METTL15: variants seen among roughly 807,000 people sequenced by gnomAD.
METTL15 encodes the protein 12S rRNA N(4)-cytidine methyltransferase METTL15.
Under a neutral mutation model 38.3 loss-of-function variants are expected in METTL15, and 34 were observed. That is an observed-to-expected ratio of 0.89 (90% CI 0.68 to 1.18). METTL15 has a LOEUF of 1.18. Ranked by LOEUF, METTL15 falls within the 50% of genes most tolerant of loss-of-function variation. METTL15 has a pLI of 0.00. For synonymous variants in METTL15, 162 were observed against 170.9 expected (o/e 0.95, Z 0.41); for missense variants, 438 against 498.4 (o/e 0.88, Z 1.15).
chr11:28,350,307 T>G (rs1261543751), intron 3 of METTL15, among the ~76,000 whole-genome samples: 2 of 152,190 alleles, frequency 1.3e-5, no homozygotes, highest in African/African-American at 4.8e-5. Flanking sequence ...TAATTTTAGA[T>G]GTATTTGAAG....
At chr11:28,217,247 C>T (rs919107054) in intron 4 of METTL15, among the ~76,000 whole-genome samples, 100 of 151,516 alleles carry the variant, frequency 6.6e-4, no homozygotes, top group East Asian at 2.7e-3. Flanking sequence ...TTTTAATGAT[C>T]GCCATTCTAA....
chr11:28,220,375 G>T (rs887743637), intron 4 of METTL15, among the ~76,000 whole-genome samples: 16 of 152,128 alleles, frequency 1.1e-4, no homozygotes, highest in Non-Finnish European at 1.8e-4. Context: ...CAGAGACTTG[G>T]ATTGCAACTC....
At chr11:28,405,021 A>T (rs1379675771) in intron 5 of METTL15, among the ~76,000 whole-genome samples, 1 of 152,180 alleles carries the variant, frequency 6.6e-6, no homozygotes, top group Non-Finnish European at 1.5e-5. Flanking sequence ...GAATGATTTA[A>T]AAGTTTCTGA....
intron 6 of METTL15, among the ~76,000 whole-genome samples, chr11:28,525,289 A>G (rs1330788530): frequency 6.6e-6 from 1 of 152,122 alleles, no homozygotes; most frequent in Non-Finnish European, 1.5e-5. Context: ...TGATTGGTCC[A>G]TTTTACAGAG....
intron 4 of METTL15, among the ~76,000 whole-genome samples, chr11:28,358,987 A>G (rs1850113006): frequency 6.6e-6 from 1 of 152,118 alleles, no homozygotes; most frequent in African/African-American, 2.4e-5. Flanking sequence ...TGACAGGTAT[A>G]TTGCAGGATG....
chr11:28,170,611 A>G (rs1850821843), intron 3 of METTL15, among the ~76,000 whole-genome samples: 1 of 152,102 alleles, frequency 6.6e-6, no homozygotes, highest in Non-Finnish European at 1.5e-5. Context: ...GAGGTGGGCA[A>G]TTCCCAGAGC....
intron 6 of METTL15, among the ~76,000 whole-genome samples, chr11:28,448,611 T>G (rs966515472): frequency 1.3e-5 from 2 of 152,184 alleles, no homozygotes; most frequent in African/African-American, 4.8e-5. Context: ...TTCTCTGATT[T>G]TGTTTTCTAC....
At chr11:28,184,419 A>T (rs1023650467) in intron 3 of METTL15, among the ~76,000 whole-genome samples, 9 of 151,946 alleles carry the variant, frequency 5.9e-5, no homozygotes, top group African/African-American at 2.2e-4. Context: ...TTCCCTCTAC[A>T]CACTGTTTTA....
At chr11:28,482,248 A>C (rs1455775562) in intron 6 of METTL15, among the ~76,000 whole-genome samples, 1 of 152,214 alleles carries the variant, frequency 6.6e-6, no homozygotes, top group Non-Finnish European at 1.5e-5. Context: ...AGGAGTTACC[A>C]CTTAAGCAAT....
At chr11:28,491,766 AC>A (rs1851496967) in intron 6 of METTL15, among the ~76,000 whole-genome samples, 1 of 152,106 alleles carries the variant, frequency 6.6e-6, no homozygotes, top group African/African-American at 2.4e-5. Flanking sequence ...GACAACAAAT[AC>A]CTTTTAAATT....
intron 5 of METTL15, among the ~76,000 whole-genome samples, chr11:28,371,380 G>T (rs953325109): frequency 4.0e-5 from 6 of 151,736 alleles, no homozygotes; most frequent in Non-Finnish European, 1.5e-5. Context: ...TATTCCTTTG[G>T]TCTATGTGTC....
At chr11:28,283,247 A>T (rs951445614) in intron 4 of METTL15, among the ~76,000 whole-genome samples, 2 of 152,130 alleles carry the variant, frequency 1.3e-5, no homozygotes, top group East Asian at 3.9e-4. Context: ...AAATTGCTTT[A>T]TCCAGCAGCC....
intron 4 of METTL15, among the ~76,000 whole-genome samples, chr11:28,289,509 C>T (rs191139941): frequency 2.0e-5 from 3 of 152,186 alleles, no homozygotes; most frequent in Admixed American, 1.3e-4. Flanking sequence ...TGCTAGTTGC[C>T]TTAAGGCTTC....
intron 3 of METTL15, among the ~76,000 whole-genome samples, chr11:28,169,888 T>G (rs745610976): frequency 1.3e-5 from 2 of 152,090 alleles, no homozygotes; most frequent in Non-Finnish European, 1.5e-5. Flanking sequence ...TTTTGAAAAT[T>G]TTTCCTAAAG....
At chr11:28,323,835 A>C (rs1346711284) in intron 6 of METTL15, among the ~76,000 whole-genome samples, 1 of 152,170 alleles carries the variant, frequency 6.6e-6, no homozygotes, top group Non-Finnish European at 1.5e-5. Flanking sequence ...CACCATCAAC[A>C]AACCTGATCT....
intron 3 of METTL15, among the ~76,000 whole-genome samples, chr11:28,176,841 TAAC>T (rs1341689591): frequency 6.6e-6 from 1 of 152,084 alleles, no homozygotes; most frequent in East Asian, 1.9e-4. Context: ...CCATATGAAA[TAAC>T]AACTTAGAAA....
intron 6 of METTL15, among the ~76,000 whole-genome samples, chr11:28,521,677 A>T (rs942810122): frequency 6.6e-6 from 1 of 152,068 alleles, no homozygotes; most frequent in Non-Finnish European, 1.5e-5. Flanking sequence ...TGCTTAAGGC[A>T]TTGCTAGAAG....
At chr11:28,298,838 A>G (rs571165767) in intron 6 of METTL15, among the ~76,000 whole-genome samples, 1 of 152,222 alleles carries the variant, frequency 6.6e-6, no homozygotes, top group East Asian at 1.9e-4. Context: ...TTTTTAGAAA[A>G]GGGAAAAACA....
chr11:28,503,110 G>C (rs1439928833), intron 6 of METTL15, among the ~76,000 whole-genome samples: 1 of 152,154 alleles, frequency 6.6e-6, no homozygotes, highest in East Asian at 1.9e-4. Context: ...CATTAGATGG[G>C]TCACTATCTG....
Sources: allele counts gnomAD v4.1 joint callset (sites outside exome capture counted in the v4.1 genomes callset), GRCh38; gene constraint gnomAD v4.1.1; transcripts MANE v1.5; gene names NCBI Gene and HGNC (gene_info 2026-07-23, HGNC 2026-07-21).